The following NTNG2 variants were observed in gnomAD, a reference collection of about 807,000 sequenced individuals.
NTNG2 encodes netrin G2, also known as netrin-G2.
A neutral mutation model predicts 47.6 loss-of-function variants in NTNG2; 15 were observed. The observed-to-expected ratio is 0.32, with a 90% CI of 0.21 to 0.49. The LOEUF (loss-of-function observed/expected upper bound fraction) is 0.49. Ranked by LOEUF, NTNG2 falls within the 20% of genes least tolerant of loss-of-function variation. The pLI is 0.99. For synonymous variants in NTNG2, 307 were observed against 324.6 expected (o/e 0.95, Z 0.58); for missense variants, 578 against 764.6 (o/e 0.76, Z 2.88).
chr9:132,171,538 C>T (rs1835911480), intron 2 of NTNG2, among the ~76,000 whole-genome samples: 1 of 152,184 alleles, frequency 6.6e-6, no homozygotes, highest in African/African-American at 2.4e-5. Context: ...ACAGGAAAGC[C>T]AAGGGCAGGC....
intron 1 of NTNG2, among the ~76,000 whole-genome samples, chr9:132,165,199 G>T (rs1471096595): frequency 6.6e-6 from 1 of 152,180 alleles, no homozygotes; most frequent in Non-Finnish European, 1.5e-5. Flanking sequence ...GCTGGACTTG[G>T]ATTCTCCGGG....
chr9:132,230,455 C>A, intron 4 of NTNG2, 117 bp from the exon 5 acceptor site: 6 of 854,368 alleles, frequency 7.0e-6, no homozygotes, highest in Non-Finnish European at 1.2e-5. Context: ...GGAGCAGGTG[C>A]TCTTGAGGGA....
Position 132,162,843 on chromosome 9 carries a change from G to C in NTNG2, c.-484+604G>C, listed in dbSNP as rs1172401193. ...CGCCGGGAGGGGGTCGGGAGGTGAG[G>C]GGGCGCAGGCACTGGTTTGGGGCCG... is the stretch of plus-strand genomic sequence containing the variant. On this transcript the variant is annotated intron_variant, in intron 1 of 7. Transcript: ENST00000393229. This position sits in a 1 kb window ranked among gnomAD's most constrained non-coding sequence, Gnocchi z 4.6. Among the ~76,000 whole-genome samples the C allele has an allele frequency of 3.3e-5, 5 of 152,062 alleles. No individual in the cohort carries two copies. Among genetic ancestry groups the C allele is most frequent in the Non-Finnish European group, 7.4e-5 (5 of 67,998 alleles).
At chr9:132,223,940 C>A (rs536263147) in intron 3 of NTNG2, among the ~76,000 whole-genome samples, 1 of 151,792 alleles carries the variant, frequency 6.6e-6, no homozygotes, top group Non-Finnish European at 1.5e-5. Context: ...GCAGACCTCA[C>A]GGGTGGAACT....
At chr9:132,167,160 C>A in intron 2 of NTNG2, 116 bp downstream of exon 2, 3 of 1,131,312 alleles carry the variant, frequency 2.7e-6, no homozygotes, top group Non-Finnish European at 3.8e-6. Context: ...GACTTTCCTG[C>A]CTCTTGACCA....
At chr9:132,187,373 C>A (rs751773984) in intron 2 of NTNG2, among the ~76,000 whole-genome samples, 1 of 152,198 alleles carries the variant, frequency 6.6e-6, no homozygotes, top group African/African-American at 2.4e-5. Context: ...GGTTGGTTTA[C>A]GCTGATTCAC....
rs1004543985 is a variant in NTNG2 at position 132,208,520 on chromosome 9, G to A, written c.857+9911G>A. ...TACCAAGACTGACAGCAGCCTGGCC[G>A]GGTTCTGGCAGGGACAGGGGCTGTG... On this transcript the variant is annotated intron_variant, in intron 3 of 7. Coordinates refer to ENST00000393229, the MANE Select transcript of NTNG2 (RefSeq NM_032536.4). The surrounding 1 kb of genome is among the most constrained non-coding windows in gnomAD (Gnocchi z 4.0). Among the ~76,000 whole-genome samples the A allele has an allele frequency of 2.6e-5, 4 of 152,056 alleles. No individual in the cohort carries two copies. Among genetic ancestry groups the A allele is most frequent in the African/African-American group, 7.2e-5 (3 of 41,380 alleles).
chr9:132,225,023 G>A (rs532970279), intron 3 of NTNG2, among the ~76,000 whole-genome samples: 3 of 151,054 alleles, frequency 2.0e-5, no homozygotes, highest in South Asian at 2.1e-4. Context: ...GGGTTCAAGC[G>A]ATTCTCCTGC....
chr9:132,206,397 T>A (rs1242601289), intron 3 of NTNG2, among the ~76,000 whole-genome samples: 1 of 152,226 alleles, frequency 6.6e-6, no homozygotes, highest in African/African-American at 2.4e-5. Context: ...CCGGGCGTGG[T>A]GGCTCACGCC....
chr9:132,199,273 G>T (rs1445988465), intron 3 of NTNG2, among the ~76,000 whole-genome samples: 2 of 152,144 alleles, frequency 1.3e-5, no homozygotes, highest in Non-Finnish European at 2.9e-5. Context: ...CTCATGTTCA[G>T]GGGTTTCCGA....
chr9:132,205,448 G>C (rs112636665), intron 3 of NTNG2, among the ~76,000 whole-genome samples: 2,850 of 152,286 alleles, frequency 0.019, 42 homozygotes, highest in Non-Finnish European at 0.031. Flanking sequence ...GGCTGCCAGG[G>C]GCTGGGGGAA....
chr9:132,191,720 C>T (rs1027809753), intron 2 of NTNG2, among the ~76,000 whole-genome samples: 2 of 152,118 alleles, frequency 1.3e-5, no homozygotes, highest in African/African-American at 2.4e-5. Context: ...TACAGGCGCC[C>T]GCCGCTACAC....
Position 132,179,658 on chromosome 9 carries a change from C to G in NTNG2, c.213+12614C>G, listed in dbSNP as rs1387850541. Among the ~76,000 whole-genome samples, 3 of 152,330 alleles carry G rather than the reference C, an allele frequency of 2.0e-5. No homozygotes were observed. The East Asian group carries it at 5.8e-4, about 29-fold the overall frequency. On this transcript the variant is annotated intron_variant, in intron 2 of 7. Coordinates refer to ENST00000393229, the MANE Select transcript of NTNG2 (RefSeq NM_032536.4). Reference sequence around the variant, plus strand: ...GCACCGGTGGCAATTCAGAGAAAGACGCTGTGCAAAGCACCCCATGTGTGC... The same window carrying G: ...GCACCGGTGGCAATTCAGAGAAAGAGGCTGTGCAAAGCACCCCATGTGTGC...
At chr9:132,196,352 G>A (rs975145455) in intron 2 of NTNG2, among the ~76,000 whole-genome samples, 12 of 152,140 alleles carry the variant, frequency 7.9e-5, no homozygotes, top group Admixed American at 3.9e-4. Flanking sequence ...CACCACGCCC[G>A]GGTAATTTTT....
At position 132,188,374 on chromosome 9, in the gene NTNG2, C is replaced by T. The variant is rs80099439; in HGVS notation, c.214-9592C>T. Among the ~76,000 whole-genome samples, 285 of 152,370 alleles carry T rather than the reference C, an allele frequency of 1.9e-3. 3 individuals carry two copies. The East Asian group carries it at 0.035, about 19-fold the overall frequency. ...AACCCGAGTCTGCGGGAGCACAGTG[C>T]GGCCCAGGCAACAGCGTCCTTTCCC... On this transcript the variant is annotated intron_variant, in intron 2 of 7. Transcript: ENST00000393229.
intron 3 of NTNG2, among the ~76,000 whole-genome samples, chr9:132,222,349 G>C (rs1182391253): frequency 6.6e-6 from 1 of 152,242 alleles, no homozygotes; most frequent in Non-Finnish European, 1.5e-5. Context: ...CCCCCTCTGT[G>C]CCTTTCCCAG....
At position 132,213,729 on chromosome 9, in the gene NTNG2, A is replaced by T. The variant is rs868454670; in HGVS notation, c.858-13120A>T. ...AAAACAAAAGAACACTCTTCACCCAAAGATAAATGCGCTATCTGGCAAGAG... is the reference window on the plus strand; with the variant it reads ...AAAACAAAAGAACACTCTTCACCCATAGATAAATGCGCTATCTGGCAAGAG... On this transcript the variant is annotated intron_variant, in intron 3 of 7. Transcript: ENST00000393229. 4.6e-5 allele frequency among the ~76,000 whole-genome samples: 7 copies of T among 152,336 alleles called. No homozygotes were observed. The Middle Eastern group carries it at 0.02, about 444-fold the overall frequency.
intron 2 of NTNG2, among the ~76,000 whole-genome samples, chr9:132,172,253 G>A (rs1835983405): frequency 6.6e-6 from 1 of 152,154 alleles, no homozygotes; most frequent in Non-Finnish European, 1.5e-5. Context: ...CCTCCTCCAG[G>A]AGGCCTTCTC....
chr9:132,226,034 G>A lies in NTNG2; in HGVS notation c.858-815G>A, dbSNP rs1005765034. ...GGTGGGGGTGTGTTCTTCTAGAGACGCTCACTGTCTGCTGGCCTCTCAGTG... is the reference window on the plus strand; with the variant it reads ...GGTGGGGGTGTGTTCTTCTAGAGACACTCACTGTCTGCTGGCCTCTCAGTG... On this transcript the variant is annotated intron_variant, in intron 3 of 7. Coordinates refer to ENST00000393229, the MANE Select transcript of NTNG2 (RefSeq NM_032536.4). The surrounding 1 kb of genome is among the most constrained non-coding windows in gnomAD (Gnocchi z 4.8). Among the ~76,000 whole-genome samples, 1 of 152,136 alleles carries A rather than the reference G, an allele frequency of 6.6e-6. No homozygotes were observed. Among genetic ancestry groups the A allele is most frequent in the Non-Finnish European group, 1.5e-5 (1 of 68,018 alleles).
Sources: gnomAD v4.1 joint callset for allele counts (sites outside exome capture counted in the v4.1 genomes callset) on GRCh38, gnomAD v4.1.1 for gene constraint, Gnocchi (gnomAD v3.1) non-coding constraint, MANE v1.5 for transcripts, NCBI Gene and HGNC (gene_info 2026-07-23, HGNC 2026-07-21) for gene names.